The following RAB40C variants were observed in gnomAD, a reference collection of about 807,000 sequenced individuals.
The protein encoded by RAB40C is ras-related protein Rab-40C.
Under a neutral mutation model 28.1 loss-of-function variants are expected in RAB40C, and 8 were observed. The observed-to-expected ratio is 0.28, with a 90% confidence interval of 0.17 to 0.51. The LOEUF is 0.51. RAB40C is among the 20% of genes least tolerant of loss of function. The probability of loss-of-function intolerance (pLI) is 0.97; values close to 1 mark genes in which losing one functional copy is unlikely to be tolerated. For synonymous variants in RAB40C, 201 were observed against 171.7 expected, an observed-to-expected ratio of 1.17 and a Z score of -1.34; for missense variants, 288 against 405.9, an observed-to-expected ratio of 0.71 and a Z score of 2.50.
chr16:590,542 G>T lies in RAB40C; in HGVS notation c.142+109G>T, dbSNP rs562851724. ...TTCCAAGCGCCGCCGAACGTTCCCA[G>T]GAACGCCTTTGCCTGGCTTCCAGAC... On this transcript the variant is annotated intron_variant, in intron 1 of 5. Transcript: ENST00000248139. 1.5e-5 allele frequency: 20 copies of T among 1,325,138 alleles called. No homozygotes were observed. In the African/African-American group the frequency reaches 3.0e-4, roughly 20 times the overall value. 82.1% of individuals were successfully genotyped at this position (1,325,138 alleles called of 1,614,324 possible).
At chr16:595,083 C>T (rs1303965300) in intron 1 of RAB40C, among the ~76,000 whole-genome samples, 1 of 152,100 alleles carries the variant, frequency 6.6e-6, no homozygotes, top group Non-Finnish European at 1.5e-5. Context: ...GGGTTTTGCT[C>T]GTTTTCTGGG....
At chr16:613,259 C>T (rs1330356542) in intron 1 of RAB40C, among the ~76,000 whole-genome samples, 1 of 151,474 alleles carries the variant, frequency 6.6e-6, no homozygotes, top group Non-Finnish European at 1.5e-5. Flanking sequence ...GCCGCCCTGG[C>T]CTGTAGCATC....
chr16:602,405 C>T (rs548292934), intron 1 of RAB40C, among the ~76,000 whole-genome samples: 1 of 151,970 alleles, frequency 6.6e-6, no homozygotes, highest in African/African-American at 2.4e-5. Flanking sequence ...TAGGCATGCA[C>T]CACAACACCT....
At chr16:593,301 A>T (rs2151057680) in intron 1 of RAB40C, among the ~76,000 whole-genome samples, 1 of 152,352 alleles carries the variant, frequency 6.6e-6, no homozygotes, top group South Asian at 2.1e-4. Flanking sequence ...GCTGGTTCTC[A>T]GGACTCAGCA....
Position 625,529 on chromosome 16 carries a change from G to C in RAB40C, c.342+20G>C. ...GATGAGGTAGGCCTGGGTCCGGGGA[G>C]CCCTCCCGGGGAAGGCAGGCTGGAT... On this transcript the variant is annotated intron_variant, in intron 4 of 5. Coordinates refer to ENST00000248139, the MANE Select transcript of RAB40C (RefSeq NM_021168.5). The C allele has an allele frequency of 1.2e-6, 2 of 1,611,408 alleles. No individual in the cohort carries two copies. The highest frequency in any genetic ancestry group is 1.7e-6 in the Non-Finnish European group (2 of 1,178,632).
At chr16:590,463 A>T (rs755668269) in intron 1 of RAB40C, 30 bp downstream of exon 1, 59 of 1,529,362 alleles carry the variant, frequency 3.9e-5, no homozygotes, top group Non-Finnish European at 9.6e-6. Context: ...GCGCGCTGCT[A>T]CGCGGGGCCC....
chr16:621,990 C>G (rs2036727897), intron 3 of RAB40C, among the ~76,000 whole-genome samples: 1 of 152,118 alleles, frequency 6.6e-6, no homozygotes, highest in South Asian at 2.1e-4. Flanking sequence ...TGGGCAGAGC[C>G]TGGGTGCAGG....
chr16:594,883 G>A (rs916337583), intron 1 of RAB40C, among the ~76,000 whole-genome samples: 20 of 150,310 alleles, frequency 1.3e-4, no homozygotes, highest in East Asian at 2.0e-4. Context: ...GCAGTGGCGC[G>A]ATCTCGGCTC....
At chr16:625,026 C>T (rs2036797723) in intron 3 of RAB40C, 1 of 1,291,852 alleles carries the variant, frequency 7.7e-7, no homozygotes, top group Non-Finnish European at 1.0e-6. Flanking sequence ...CTCAGAAATG[C>T]CCCCACTCAG....
At chr16:603,056 C>T (rs1388532637) in intron 1 of RAB40C, among the ~76,000 whole-genome samples, 2 of 152,212 alleles carry the variant, frequency 1.3e-5, no homozygotes, top group Non-Finnish European at 2.9e-5. Flanking sequence ...AAGCAATCCT[C>T]CTGCCTCAGC....
intron 1 of RAB40C, among the ~76,000 whole-genome samples, chr16:612,693 CA>C (rs1567190115): frequency 7.1e-5 from 2 of 28,070 alleles, no homozygotes; most frequent in Admixed American, 3.3e-4. Context: ...GCATCAAGAG[CA>C]AGGGACAGCC....
rs751277631 is a variant in RAB40C, at chr16:590,451, G to T, written c.142+18G>T. On this transcript the variant is annotated intron_variant, in intron 1 of 5. Transcript: ENST00000248139. Reference sequence around the variant, plus strand: ...CAGTAACGGTAAGGCCCGGCCCGCGGCGCGCGCTGCTACGCGGGGCCCGAG... The same window carrying T: ...CAGTAACGGTAAGGCCCGGCCCGCGTCGCGCGCTGCTACGCGGGGCCCGAG... The T allele has an allele frequency of 1.3e-6, 2 of 1,556,670 alleles. No individual in the cohort carries two copies. Among genetic ancestry groups the T allele is most frequent in the South Asian group, 2.3e-5 (2 of 85,238 alleles).
chr16:616,938 C>T (rs1008678890), intron 1 of RAB40C: 3 of 469,026 alleles, frequency 6.4e-6, no homozygotes, highest in Non-Finnish European at 7.8e-6. Flanking sequence ...GCCTGCTAGG[C>T]TGTGGGGCCC....
chr16:608,337 C>A (rs2036409166), intron 1 of RAB40C, among the ~76,000 whole-genome samples: 1 of 152,178 alleles, frequency 6.6e-6, no homozygotes, highest in Admixed American at 6.5e-5. Context: ...CGCCCTCAAC[C>A]TGTGGGGATT....
At chr16:591,100 T>A (rs1416078451) in intron 1 of RAB40C, among the ~76,000 whole-genome samples, 1 of 144,252 alleles carries the variant, frequency 6.9e-6, no homozygotes, top group Admixed American at 6.9e-5. Context: ...CTGTCATGGG[T>A]CTGGGATCAT....
In RAB40C at chr16:609,576, G is replaced by A. The variant is rs145844236; in HGVS notation, c.143-7632G>A. Among the ~76,000 whole-genome samples, 215 of 152,208 alleles carry A rather than the reference G, an allele frequency of 1.4e-3. 1 individual carries two copies. Among genetic ancestry groups the A allele is most frequent in the African/African-American group, 4.9e-3 (205 of 41,540 alleles). On this transcript the variant is annotated intron_variant, in intron 1 of 5. Transcript: ENST00000248139. ...CAGAATGTGAGGAAAGACCCAGACA[G>A]GCAGGAAAAGAGCTCAGGGAAGGAC...
chr16:616,368 G>T (rs369044756), intron 1 of RAB40C, among the ~76,000 whole-genome samples: 10 of 57,030 alleles, frequency 1.8e-4, no homozygotes, highest in African/African-American at 5.3e-4. Flanking sequence ...TTTATTTATT[G>T]AGTACTGTCA....
At chr16:602,010 C>T (rs1272024778) in intron 1 of RAB40C, among the ~76,000 whole-genome samples, 2 of 151,844 alleles carry the variant, frequency 1.3e-5, no homozygotes, top group African/African-American at 2.4e-5. Context: ...CCTGTAATCC[C>T]AGCTACTCAG....
chr16:627,387 C>G lies in RAB40C; in HGVS notation c.611C>G (p.Thr204Ser). 9 of 1,613,892 alleles carry G rather than the reference C, an allele frequency of 5.6e-6. No homozygotes were observed. Among genetic ancestry groups the G allele is most frequent in the Non-Finnish European group, 7.6e-6 (9 of 1,179,982 alleles). ...DLCCRAIVSCTPVHLIDKLPL... is the reference protein window; with the variant it reads ...DLCCRAIVSCSPVHLIDKLPL... ...TGCTGCCGGGCCATCGTCTCCTGCA[C>G]CCCCGTGCACCTCATCGACAAGCTT... Residue 204 changes from threonine to serine, a missense_variant, in exon 6 of 6, where the codon ACC (threonine) becomes AGC (serine). Thr to Ser is a moderately conservative substitution (Grantham distance 58, BLOSUM62 1). Transcript: ENST00000248139.
Sources: allele counts gnomAD v4.1 joint callset (sites outside exome capture counted in the v4.1 genomes callset), GRCh38; gene constraint gnomAD v4.1.1; transcripts MANE v1.5; gene names NCBI Gene and HGNC (gene_info 2026-07-23, HGNC 2026-07-21).